Variants in MACROD2 observed in about 807,000 individuals in gnomAD.
MACROD2 encodes the protein ADP-ribose glycohydrolase MACROD2.
In MACROD2, 36 loss-of-function variants were observed where a neutral mutation model predicts 70.4. That is an observed-to-expected ratio of 0.51 (90% confidence interval 0.39 to 0.68). The LOEUF (loss-of-function observed/expected upper bound fraction) is 0.68. MACROD2 is among the 30% of genes least tolerant of loss of function. The pLI is 0.00. For synonymous variants in MACROD2, 172 were observed against 178.8 expected (o/e 0.96, Z 0.30); for missense variants, 496 against 538.4 (o/e 0.92, Z 0.78).
intron 7 of MACROD2, among the ~76,000 whole-genome samples, chr20:15,463,230 A>C (rs1464633046): frequency 6.6e-6 from 1 of 152,190 alleles, no homozygotes; most frequent in Non-Finnish European, 1.5e-5. Context: ...GACCGCCTGA[A>C]GAGGTGTGTT....
intron 8 of MACROD2, among the ~76,000 whole-genome samples, chr20:15,503,531 A>C (rs1473870622): frequency 6.6e-6 from 1 of 152,220 alleles, no homozygotes; most frequent in Non-Finnish European, 1.5e-5. Context: ...TTCTTAAAAA[A>C]AGTCTTGAAA....
At chr20:14,781,626 C>G (rs2072302406) in intron 5 of MACROD2, among the ~76,000 whole-genome samples, 1 of 151,306 alleles carries the variant, frequency 6.6e-6, no homozygotes, top group Non-Finnish European at 1.5e-5. Flanking sequence ...TTTTGAAATA[C>G]TGATTTATTT....
intron 5 of MACROD2, among the ~76,000 whole-genome samples, chr20:15,171,993 A>G (rs1003646495): frequency 6.6e-6 from 1 of 152,254 alleles, no homozygotes; most frequent in Non-Finnish European, 1.5e-5. Context: ...GAATGAATGA[A>G]TACAGTCAAA....
At chr20:14,666,653 C>T (rs2070739591) in intron 4 of MACROD2, among the ~76,000 whole-genome samples, 1 of 151,756 alleles carries the variant, frequency 6.6e-6, no homozygotes, top group Non-Finnish European at 1.5e-5. Context: ...ATTTATGTCC[C>T]CAGCGCTTGA....
At chr20:15,382,155 CAGG>C (rs1385804682) in intron 6 of MACROD2, among the ~76,000 whole-genome samples, 1 of 152,038 alleles carries the variant, frequency 6.6e-6, no homozygotes, top group Admixed American at 6.6e-5. Flanking sequence ...AGTTGACGAG[CAGG>C]AGGAGAAGTA....
intron 5 of MACROD2, among the ~76,000 whole-genome samples, chr20:15,111,500 A>G (rs1257661520): frequency 6.6e-6 from 1 of 152,116 alleles, no homozygotes; most frequent in Admixed American, 6.6e-5. Flanking sequence ...TTATTTTTAA[A>G]TATAGTACTT....
intron 7 of MACROD2, among the ~76,000 whole-genome samples, chr20:15,459,260 C>T (rs145942011): frequency 4.4e-4 from 67 of 152,182 alleles, no homozygotes; most frequent in African/African-American, 1.6e-3. Context: ...TATGCATTAT[C>T]GCTGCTATTC....
At position 14,157,471 on chromosome 20, in the gene MACROD2, T is replaced by C. The variant is rs990378490; in HGVS notation, c.271+71743T>C. On this transcript the variant is annotated intron_variant, in intron 3 of 17. Transcript: ENST00000684519. ...GTTGCTAACTATAGTCACCCTACTC[T>C]ACTTTTGAAAATTAGAACTTGTACC... Among the ~76,000 whole-genome samples, 4 of 152,090 alleles carry C rather than the reference T, an allele frequency of 2.6e-5. No individual in the cohort carries two copies. In the East Asian group the frequency reaches 5.8e-4, roughly 22 times the overall value.
intron 3 of MACROD2, among the ~76,000 whole-genome samples, chr20:14,447,750 A>G (rs2084198894): frequency 1.3e-5 from 2 of 152,134 alleles, no homozygotes; most frequent in Admixed American, 1.3e-4. Context: ...TGGGGACCAG[A>G]CATGGGACCC....
At chr20:14,664,774 A>G (rs1383550244) in intron 4 of MACROD2, among the ~76,000 whole-genome samples, 1 of 152,138 alleles carries the variant, frequency 6.6e-6, no homozygotes, top group Admixed American at 6.6e-5. Context: ...ACTAATCTTC[A>G]AAACCATCCT....
chr20:14,173,487 A>G (rs2081239890), intron 3 of MACROD2, among the ~76,000 whole-genome samples: 3 of 151,926 alleles, frequency 2.0e-5, no homozygotes, highest in East Asian at 1.9e-4. Context: ...TATTTATGCT[A>G]TCTATTGCAG....
At chr20:14,553,448 C>T (rs926630682) in intron 4 of MACROD2, among the ~76,000 whole-genome samples, 4 of 140,206 alleles carry the variant, frequency 2.9e-5, no homozygotes, top group Non-Finnish European at 4.6e-5. Context: ...AAGAATTATA[C>T]TCTGAAACAG....
intron 2 of MACROD2, among the ~76,000 whole-genome samples, chr20:14,041,816 G>A (rs2053395066): frequency 6.6e-6 from 1 of 152,154 alleles, no homozygotes; most frequent in African/African-American, 2.4e-5. Flanking sequence ...AGAAAAATCT[G>A]TCTGTTCCTC....
chr20:14,382,838 A>G (rs1416096452), intron 3 of MACROD2, among the ~76,000 whole-genome samples: 1 of 152,198 alleles, frequency 6.6e-6, no homozygotes, highest in East Asian at 1.9e-4. Flanking sequence ...ATAACTGAGT[A>G]ATCTTTTATG....
intron 5 of MACROD2, among the ~76,000 whole-genome samples, chr20:15,225,448 T>C (rs946108415): frequency 1.3e-5 from 2 of 152,180 alleles, no homozygotes; most frequent in South Asian, 4.1e-4. Flanking sequence ...AGTGAAAAGT[T>C]TCCTCCCCAT....
In MACROD2 at chr20:14,570,765, A is replaced by C. The variant is rs188708927; in HGVS notation, c.301+77257A>C. Among the ~76,000 whole-genome samples, 98 of 152,140 alleles carry C rather than the reference A, an allele frequency of 6.4e-4. 2 individuals carry two copies. The East Asian group carries it at 0.013, about 21-fold the overall frequency. Reference sequence around the variant, plus strand: ...ATTTACTCCCTGGTCCTTCTGTGGGAGATTTCAGTTTAGTCTGTTTAAGAT... The same window carrying C: ...ATTTACTCCCTGGTCCTTCTGTGGGCGATTTCAGTTTAGTCTGTTTAAGAT... On this transcript the variant is annotated intron_variant, in intron 4 of 17. Coordinates refer to ENST00000684519, the MANE Select transcript of MACROD2 (RefSeq NM_001351661.2).
intron 5 of MACROD2, among the ~76,000 whole-genome samples, chr20:15,085,870 CACA>C (rs1319046899): frequency 3.4e-4 from 37 of 109,880 alleles, no homozygotes; most frequent in Non-Finnish European, 6.3e-4. Flanking sequence ...CACACACACA[CACA>C]ACACACACAC....
intron 7 of MACROD2, among the ~76,000 whole-genome samples, chr20:15,461,004 A>ATTTTTT (rs1441910465): frequency 6.3e-5 from 3 of 47,752 alleles, no homozygotes; most frequent in Non-Finnish European, 9.5e-5. Flanking sequence ...ATATATATAT[A>ATTTTTT]TATTTTTTTT....
chr20:14,913,245 A>T (rs1171328986), intron 5 of MACROD2, among the ~76,000 whole-genome samples: 2 of 152,184 alleles, frequency 1.3e-5, no homozygotes, highest in Non-Finnish European at 2.9e-5. Context: ...TTTACCTGCC[A>T]TGTGTTTGTC....
Sources: gnomAD v4.1 joint callset for allele counts (sites outside exome capture counted in the v4.1 genomes callset) on GRCh38, gnomAD v4.1.1 for gene constraint, MANE v1.5 for transcripts, NCBI Gene and HGNC (gene_info 2026-07-23, HGNC 2026-07-21) for gene names.